The following IMPG2 variants were observed in gnomAD, a reference collection of about 807,000 sequenced individuals.
The protein encoded by IMPG2 is interphotoreceptor matrix proteoglycan 2.
A neutral mutation model predicts 129.2 loss-of-function variants in IMPG2; 91 were observed. The observed-to-expected ratio is 0.70, with a 90% confidence interval of 0.59 to 0.84. The LOEUF is 0.84. IMPG2 is among the 40% of genes least tolerant of loss of function. IMPG2 has a pLI of 0.00. For missense variants in IMPG2, 1,430 were observed against 1,461.7 expected, an observed-to-expected ratio of 0.98 and a Z score of 0.35; for synonymous variants, 510 against 517.7, an observed-to-expected ratio of 0.99 and a Z score of 0.20.
At chr3:101,277,898 T>C (rs1305246584) in intron 4 of IMPG2, among the ~76,000 whole-genome samples, 2 of 152,204 alleles carry the variant, frequency 1.3e-5, no homozygotes, top group Admixed American at 1.3e-4. Context: ...TCCAAAGATA[T>C]TGGATCAGTG....
chr3:101,309,636 T>C (rs1707240239), intron 2 of IMPG2, among the ~76,000 whole-genome samples: 1 of 152,112 alleles, frequency 6.6e-6, no homozygotes, highest in Admixed American at 6.5e-5. Context: ...ACCCGACATA[T>C]GGGGATTATA....
At chr3:101,237,817 A>C (rs1201024401) in intron 14 of IMPG2, among the ~76,000 whole-genome samples, 1 of 152,132 alleles carries the variant, frequency 6.6e-6, no homozygotes, top group Non-Finnish European at 1.5e-5. Context: ...CTCTTCTTCC[A>C]CAAAGAATCA....
rs369724237 is a variant in IMPG2, at chr3:101,319,543, G to A, written c.334+41C>T. On this transcript the variant is annotated intron_variant, in intron 2 of 18. Coordinates refer to ENST00000193391, the MANE Select transcript of IMPG2 (RefSeq NM_016247.4). ...CCTAACAAATGATTAAACTATGTTTGAATTTCATTATGGAGCTGAAGGATT... is the reference window on the plus strand; with the variant it reads ...CCTAACAAATGATTAAACTATGTTTAAATTTCATTATGGAGCTGAAGGATT... 7 of 1,609,048 alleles carry A rather than the reference G, an allele frequency of 4.4e-6. No homozygotes were observed. In the African/African-American group the frequency reaches 9.4e-5, roughly 22 times the overall value.
intron 11 of IMPG2, among the ~76,000 whole-genome samples, chr3:101,253,062 G>A (rs193212059): frequency 1.8e-4 from 27 of 152,214 alleles, no homozygotes; most frequent in Admixed American, 3.3e-4. Flanking sequence ...CTCCCTACAA[G>A]TGAAGTGGCA....
intron 18 of IMPG2, 112 bp downstream of exon 18, chr3:101,228,685 G>T: frequency 1.2e-6 from 1 of 831,364 alleles, no homozygotes; most frequent in South Asian, 1.4e-5. Flanking sequence ...TGGTTATCAC[G>T]GAGACTCCTG....
chr3:101,295,933 G>T (rs1387376764), intron 3 of IMPG2, among the ~76,000 whole-genome samples: 2 of 152,194 alleles, frequency 1.3e-5, no homozygotes, highest in Non-Finnish European at 2.9e-5. Context: ...GACTGCTGAA[G>T]TTGCTTATCA....
chr3:101,275,616 C>T (rs777841947), intron 6 of IMPG2, 47 bp downstream of exon 6: 18 of 1,350,072 alleles, frequency 1.3e-5, no homozygotes, highest in Admixed American at 3.4e-5. Flanking sequence ...CTCTTAATCT[C>T]TATGTTCCAT....
intron 16 of IMPG2, 137 bp from the exon 17 acceptor site, chr3:101,229,727 C>T: frequency 2.6e-6 from 2 of 776,282 alleles, no homozygotes; most frequent in East Asian, 2.7e-5. Flanking sequence ...CTGTGAAAAA[C>T]ATCTAGATCA....
rs192164432 is a variant in IMPG2, at chr3:101,251,063, C to A, written c.1239+2633G>T. ...TGTTAAAGCTACTCATATATTCTTG[C>A]AAATTCCAAATGTACCTTAAAAAAA... On this transcript the variant is annotated intron_variant, in intron 11 of 18. Transcript: ENST00000193391. Among the ~76,000 whole-genome samples, 225 of 152,252 alleles carry A rather than the reference C, an allele frequency of 1.5e-3. 1 individual carries two copies. The highest frequency in any genetic ancestry group is 5.1e-3 in the African/African-American group (210 of 41,544).
intron 14 of IMPG2, among the ~76,000 whole-genome samples, chr3:101,236,986 G>A (rs1706353451): frequency 6.6e-6 from 1 of 152,198 alleles, no homozygotes; most frequent in South Asian, 2.1e-4. Flanking sequence ...CTTGCTGCCA[G>A]CACAGCAGCC....
intron 3 of IMPG2, among the ~76,000 whole-genome samples, chr3:101,302,755 G>A (rs9837435): frequency 0.18 from 27,181 of 152,018 alleles, 2,794 homozygotes; most frequent in East Asian, 0.31. Context: ...TTAAAAATGT[G>A]GCAGGCAAAA....
chr3:101,273,706 T>C lies in IMPG2; in HGVS notation c.703A>G (p.Thr235Ala). 5.0e-6 allele frequency: 8 copies of C among 1,614,194 alleles called. No homozygotes were observed. Among genetic ancestry groups the C allele is most frequent in the Non-Finnish European group, 6.8e-6 (8 of 1,180,014 alleles). The change falls in exon 7 of 19, where the codon ACA (threonine) becomes GCA (alanine). Residue 235 changes from threonine to alanine, a missense_variant. Transcript: ENST00000193391. ...NEIENVIEEA[T>A]KPAGEQIAEF... The stretch of plus-strand genomic sequence containing the variant: ...GCAATCTGTTCACCTGCTGGTTTTG[T>C]GGCTTCTTCTATCACATTCTCAATT...
intron 2 of IMPG2, among the ~76,000 whole-genome samples, chr3:101,316,897 A>G (rs1018383387): frequency 1.3e-5 from 2 of 152,174 alleles, no homozygotes; most frequent in African/African-American, 4.8e-5. Flanking sequence ...AAGCTAACAA[A>G]CTATTGATAC....
chr3:101,267,265 G>A (rs970034446), intron 9 of IMPG2, among the ~76,000 whole-genome samples: 9 of 152,184 alleles, frequency 5.9e-5, no homozygotes, highest in African/African-American at 2.2e-4. Flanking sequence ...TATTGTCTAT[G>A]TCTACTTTTA....
At chr3:101,261,095 T>C (rs774331165) in intron 9 of IMPG2, among the ~76,000 whole-genome samples, 2 of 152,166 alleles carry the variant, frequency 1.3e-5, no homozygotes, top group Non-Finnish European at 2.9e-5. Flanking sequence ...GTTAATCATT[T>C]TAGAGACATT....
intron 4 of IMPG2, among the ~76,000 whole-genome samples, chr3:101,281,197 G>A (rs913666885): frequency 7.9e-5 from 12 of 152,180 alleles, no homozygotes; most frequent in African/African-American, 2.7e-4. Context: ...GGATGTAACC[G>A]TAAAACCAGA....
chr3:101,308,755 G>GA (rs1270633980), intron 2 of IMPG2, among the ~76,000 whole-genome samples: 4 of 152,226 alleles, frequency 2.6e-5, no homozygotes, highest in Non-Finnish European at 5.9e-5. Flanking sequence ...TTTCTTCTCA[G>GA]AAAATGGGTT....
rs970685608 is a variant in IMPG2, at chr3:101,251,233, T to G, written c.1239+2463A>C. Among the ~76,000 whole-genome samples, 5 of 152,338 alleles carry G rather than the reference T, an allele frequency of 3.3e-5. No homozygotes were observed. In the South Asian group the frequency reaches 1.0e-3, roughly 32 times the overall value. ...CTCAAGCAGTAATATACCATTTCAGTATATCTGTAAACAAAATGCCTTTTC... is the reference window on the plus strand; with the variant it reads ...CTCAAGCAGTAATATACCATTTCAGGATATCTGTAAACAAAATGCCTTTTC... On this transcript the variant is annotated intron_variant, in intron 11 of 18. Coordinates refer to ENST00000193391, the MANE Select transcript of IMPG2 (RefSeq NM_016247.4).
Position 101,319,845 on chromosome 3 carries a change from A to G in IMPG2, c.86-13T>C. ...AAGTAGGTTTGTGCTACAGAGTGAA[A>G]GTATAGTCAAGTCTTCGATAATGAA... is the stretch of plus-strand genomic sequence containing the variant. On this transcript the variant is annotated splice_polypyrimidine_tract_variant and intron_variant, in intron 1 of 18. Coordinates refer to ENST00000193391, the MANE Select transcript of IMPG2 (RefSeq NM_016247.4). The G allele has an allele frequency of 6.2e-7, 1 of 1,608,532 alleles. No individual in the cohort carries two copies. The highest frequency in any genetic ancestry group is 8.5e-7 in the Non-Finnish European group (1 of 1,178,852).
Sources: allele counts gnomAD v4.1 joint callset (sites outside exome capture counted in the v4.1 genomes callset), GRCh38; gene constraint gnomAD v4.1.1; transcripts MANE v1.5; gene names NCBI Gene and HGNC (gene_info 2026-07-23, HGNC 2026-07-21).